HIVEP3: variants seen among roughly 807,000 people sequenced by gnomAD.
The protein encoded by HIVEP3 is transcription factor HIVEP3.
HIVEP3 carries 49 observed loss-of-function variants against 152.8 expected under a neutral mutation model. That is an observed-to-expected ratio of 0.32 (90% CI 0.26 to 0.41). HIVEP3 has a LOEUF of 0.41. Ranked by LOEUF, HIVEP3 falls within the 10% of genes least tolerant of loss-of-function variation. HIVEP3 has a pLI of 1.00. For synonymous variants in HIVEP3, 1,269 were observed against 1,289.0 expected, an observed-to-expected ratio of 0.98 and a Z score of 0.33; for missense variants, 2,790 against 3,103.3, an observed-to-expected ratio of 0.90 and a Z score of 2.40.
intron 5 of HIVEP3, among the ~76,000 whole-genome samples, chr1:41,534,601 C>T (rs1450100091): frequency 6.6e-6 from 1 of 152,216 alleles, no homozygotes; most frequent in East Asian, 1.9e-4. Context: ...CCCATCATCC[C>T]TGCGCGGGTG....
At chr1:41,919,604 C>G (rs1644923398), upstream of HIVEP3, among the ~76,000 whole-genome samples, 1 of 152,194 alleles carries the variant, frequency 6.6e-6, no homozygotes, top group Admixed American at 6.5e-5. Flanking sequence ...GACTTAGGCC[C>G]TTCTTCAAGA....
intron 2 of HIVEP3, among the ~76,000 whole-genome samples, chr1:41,695,639 G>A (rs977383906): frequency 6.6e-6 from 1 of 152,174 alleles, no homozygotes; most frequent in African/African-American, 2.4e-5. Flanking sequence ...GGGGTCAGCC[G>A]GCTGCAGACT....
At chr1:41,930,125 T>A (rs996045512) in intron 1 of HIVEP3, among the ~76,000 whole-genome samples, 1 of 152,192 alleles carries the variant, frequency 6.6e-6, no homozygotes, top group Non-Finnish European at 1.5e-5. Flanking sequence ...GCATTACATC[T>A]TAGGTTCCTC....
intron 1 of HIVEP3, among the ~76,000 whole-genome samples, chr1:41,704,525 C>T (rs374960607): frequency 6.6e-6 from 1 of 152,356 alleles, no homozygotes; most frequent in East Asian, 1.9e-4. Context: ...TGGCTACAGA[C>T]CCTTCCTTTA....
At chr1:41,910,521 A>G (rs1644778964) in intron 1 of HIVEP3, among the ~76,000 whole-genome samples, 1 of 152,012 alleles carries the variant, frequency 6.6e-6, no homozygotes, top group Admixed American at 6.5e-5. Flanking sequence ...CAGCAAAACC[A>G]TGATACAAAA....
chr1:41,894,353 C>T (rs1447887046), intron 1 of HIVEP3, among the ~76,000 whole-genome samples: 1 of 152,190 alleles, frequency 6.6e-6, no homozygotes, highest in Non-Finnish European at 1.5e-5. Flanking sequence ...CAATCTGGAG[C>T]CACAACCTAC....
intron 2 of HIVEP3, among the ~76,000 whole-genome samples, chr1:41,666,996 G>A (rs1000013004): frequency 2.0e-5 from 3 of 152,126 alleles, no homozygotes; most frequent in African/African-American, 7.2e-5. Context: ...TGCTTGGCCA[G>A]CTCCCACTCA....
At chr1:41,742,155 T>C (rs1263244952) in intron 1 of HIVEP3, among the ~76,000 whole-genome samples, 2 of 152,198 alleles carry the variant, frequency 1.3e-5, no homozygotes, top group Non-Finnish European at 2.9e-5. Context: ...CCCAACCATC[T>C]GTCCATCCAT....
chr1:41,753,654 G>A (rs1289510382), intron 1 of HIVEP3, among the ~76,000 whole-genome samples: 3 of 128,196 alleles, frequency 2.3e-5, no homozygotes, highest in Non-Finnish European at 5.3e-5. Context: ...GGACACAGGA[G>A]AGAAACGCCG....
intron 1 of HIVEP3, among the ~76,000 whole-genome samples, chr1:41,805,535 C>T: frequency 6.6e-6 from 1 of 152,196 alleles, no homozygotes; most frequent in East Asian, 1.9e-4. Context: ...GGGGCTCTCC[C>T]TCTGCCCCTC....
At chr1:41,989,900 T>C (rs903247746) in intron 1 of HIVEP3, among the ~76,000 whole-genome samples, 1 of 142,590 alleles carries the variant, frequency 7.0e-6, no homozygotes, top group African/African-American at 2.7e-5. Flanking sequence ...TGTCTTTTAA[T>C]TGGAGCATTT....
Position 41,996,964 on chromosome 1 carries a change from C to T in HIVEP3, n.119+38843G>A, listed in dbSNP as rs146765501. Among the ~76,000 whole-genome samples the T allele has an allele frequency of 7.6e-4, 116 of 152,286 alleles. 2 individuals are homozygous for T. In the East Asian group the frequency reaches 0.02, roughly 27 times the overall value. ...CTGGCCCTGAAACTCTTGTCTGTGT[C>T]TTATGAGGACCCTTGTGACTACATT... On this transcript the variant is annotated intron_variant and non_coding_transcript_variant, in intron 1 of 3. Transcript: ENST00000489103.
chr1:41,569,338 C>T (rs1019246224), intron 5 of HIVEP3, among the ~76,000 whole-genome samples: 1 of 152,144 alleles, frequency 6.6e-6, no homozygotes, highest in African/African-American at 2.4e-5. Flanking sequence ...ACCTCCACGC[C>T]ACCAACCCTC....
Position 41,582,819 on chromosome 1 carries a change from G to C in HIVEP3, c.1979C>G (p.Ala660Gly). The C allele has an allele frequency of 1.2e-6, 2 of 1,614,092 alleles. No individual in the cohort carries two copies. Among genetic ancestry groups the C allele is most frequent in the Non-Finnish European group, 1.7e-6 (2 of 1,180,000 alleles). Reference sequence around the variant, plus strand: ...CTCTGAGCAGTAGTATTTTTTGTGGGCTTCGTAGTTATCCCTTTTCTTGTA... The same window carrying C: ...CTCTGAGCAGTAGTATTTTTTGTGGCCTTCGTAGTTATCCCTTTTCTTGTA... ...ARYKKRDNYE[A>G]HKKYYCSELQ... Residue 660 changes from alanine (A) to glycine (G), a missense_variant, in exon 4 of 9, where the codon GCC (alanine) becomes GGC (glycine). Around this residue, in one of 9 missense-constraint regions of HIVEP3, gnomAD observed 339 missense variants for 327.0 expected, o/e 1.04. Transcript: ENST00000372583. This position sits in a 1 kb window ranked among gnomAD's most constrained non-coding sequence, Gnocchi z 4.7.
At chr1:41,697,903 G>T (rs1372648882) in intron 2 of HIVEP3, among the ~76,000 whole-genome samples, 1 of 152,156 alleles carries the variant, frequency 6.6e-6, no homozygotes, top group Non-Finnish European at 1.5e-5. Flanking sequence ...GGCTACCCAG[G>T]GTCATTCAAG....
At chr1:41,587,386 C>A (rs142006307) in intron 3 of HIVEP3, among the ~76,000 whole-genome samples, 1 of 152,202 alleles carries the variant, frequency 6.6e-6, no homozygotes. Context: ...AATCTCATTT[C>A]ATTAGATTAC....
intron 3 of HIVEP3, among the ~76,000 whole-genome samples, chr1:41,601,658 A>AT (rs1182374683): frequency 6.6e-6 from 1 of 152,016 alleles, no homozygotes; most frequent in Non-Finnish European, 1.5e-5. Flanking sequence ...CATCTTTAGG[A>AT]TTTTATATTA....
At chr1:41,527,251 A>ACTC (rs1383936592) in intron 5 of HIVEP3, among the ~76,000 whole-genome samples, 2 of 40,156 alleles carry the variant, frequency 5.0e-5, no homozygotes, top group Non-Finnish European at 5.6e-5. Flanking sequence ...CCTCACACAC[A>ACTC]CACACCCTCA....
chr1:41,593,279 C>T (rs1156694111), intron 3 of HIVEP3, among the ~76,000 whole-genome samples: 4 of 152,138 alleles, frequency 2.6e-5, no homozygotes, highest in African/African-American at 4.8e-5. Flanking sequence ...ATGTTCTTCC[C>T]GACGTCCTAA....
Sources: allele counts gnomAD v4.1 joint callset (sites outside exome capture counted in the v4.1 genomes callset), GRCh38; gene constraint gnomAD v4.1.1; regional missense constraint gnomAD v4.1.1; non-coding constraint Gnocchi (gnomAD v3.1); transcripts MANE v1.5; gene names NCBI Gene and HGNC (gene_info 2026-07-23, HGNC 2026-07-21).